REEP5: variants seen among roughly 807,000 people sequenced by gnomAD.
REEP5 encodes receptor accessory protein 5, also known as receptor expression-enhancing protein 5.
In REEP5, 24 loss-of-function variants were observed where a neutral mutation model predicts 22.4. That is an observed-to-expected ratio of 1.07 (90% confidence interval 0.78 to 1.51). The LOEUF is 1.51. Ranked by LOEUF, REEP5 falls within the 40% of genes most tolerant of loss-of-function variation. The pLI, the probability that REEP5 is intolerant of heterozygous loss-of-function variation, is 0.00. For missense variants in REEP5, 252 were observed against 233.0 expected (o/e 1.08, Z -0.53); for synonymous variants, 103 against 88.6 (o/e 1.16, Z -0.92).
intron 3 of REEP5, chr5:112,892,012 G>A (rs1325038411): frequency 2.3e-6 from 3 of 1,306,696 alleles, no homozygotes; most frequent in Non-Finnish European, 3.3e-6. Flanking sequence ...GAAAGAGAGA[G>A]AAGAGGAGGA....
intron 2 of REEP5, among the ~76,000 whole-genome samples, chr5:112,906,838 A>G (rs1436435018): frequency 6.6e-6 from 1 of 152,178 alleles, no homozygotes; most frequent in Non-Finnish European, 1.5e-5. Context: ...CACCTGCCCT[A>G]CGTGTTCTAA....
At chr5:112,897,063 T>C (rs952600403) in intron 3 of REEP5, 5 of 152,166 alleles carry the variant, frequency 3.3e-5, no homozygotes, top group African/African-American at 1.2e-4. Context: ...AGGTAAATTA[T>C]CAATAACATT....
At chr5:112,902,828 G>A (rs964256292) in intron 2 of REEP5, among the ~76,000 whole-genome samples, 3 of 152,206 alleles carry the variant, frequency 2.0e-5, no homozygotes, top group African/African-American at 4.8e-5. Context: ...CTGGGAGCTA[G>A]AGCAATTTCC....
intron 2 of REEP5, among the ~76,000 whole-genome samples, chr5:112,914,185 C>T (rs1045709839): frequency 6.6e-6 from 1 of 151,264 alleles, no homozygotes; most frequent in Non-Finnish European, 1.5e-5. Flanking sequence ...TGCAGTGGCG[C>T]AATCTCGGCT....
At chr5:112,902,299 T>C (rs1409917177) in intron 3 of REEP5, 81 bp downstream of exon 3, 1 of 1,359,474 alleles carries the variant, frequency 7.4e-7, no homozygotes, top group African/African-American at 1.5e-5. Flanking sequence ...GAGCCACAGA[T>C]GCACAACATT....
chr5:112,921,915 C>A (rs1171472310), intron 1 of REEP5, 158 bp downstream of exon 1: 3 of 950,420 alleles, frequency 3.2e-6, no homozygotes, highest in Non-Finnish European at 4.3e-6. Context: ...CCGATGCCCA[C>A]GCTTTCCGGG....
Position 112,877,123 on chromosome 5 carries a change from T to A in REEP5, c.*1663A>T, listed in dbSNP as rs371103139. ...ACAATTTTGTTTGCTTTCTACAAAG[T>A]TTTAAGTTTAATAAAATGCCGGTAA... On this transcript the variant is annotated 3_prime_UTR_variant, in exon 5 of 5. Coordinates refer to ENST00000379638, the MANE Select transcript of REEP5 (RefSeq NM_005669.5). 5.9e-5 allele frequency: 9 copies of A among 152,284 alleles called. No individual in the cohort carries two copies. The South Asian group carries it at 1.0e-3, about 18-fold the overall frequency. 9.4% of individuals were successfully genotyped at this position (152,284 alleles called of 1,614,324 possible). A position where few individuals can be genotyped will look rare whatever the true frequency, so the allele number is the denominator to read the frequency against.
chr5:112,902,228 T>G (rs926962530), intron 3 of REEP5, 152 bp downstream of exon 3: 84 of 817,292 alleles, frequency 1.0e-4, no homozygotes, highest in Middle Eastern at 3.2e-4. Flanking sequence ...GTTTTTGTTT[T>G]TTTTGAGACA....
intron 3 of REEP5, chr5:112,893,011 T>G: frequency 6.4e-7 from 1 of 1,560,154 alleles, no homozygotes; most frequent in Non-Finnish European, 8.8e-7. Flanking sequence ...TTCCTCTAGG[T>G]GCCGAAGTCG....
intron 2 of REEP5, among the ~76,000 whole-genome samples, chr5:112,905,764 G>A (rs1251143006): frequency 6.6e-6 from 1 of 152,006 alleles, no homozygotes; most frequent in Non-Finnish European, 1.5e-5. Flanking sequence ...GGGACTACAG[G>A]TTCACATCAT....
At chr5:112,880,635 G>A (rs1451994874) in intron 4 of REEP5, among the ~76,000 whole-genome samples, 1 of 152,256 alleles carries the variant, frequency 6.6e-6, no homozygotes, top group African/African-American at 2.4e-5. Flanking sequence ...GTGGCAGCAT[G>A]TAAATTCCTC....
chr5:112,900,507 G>C (rs1768815757), intron 3 of REEP5, among the ~76,000 whole-genome samples: 1 of 152,098 alleles, frequency 6.6e-6, no homozygotes, highest in Non-Finnish European at 1.5e-5. Flanking sequence ...CTAACTAAAG[G>C]CAGTTACTTC....
intron 2 of REEP5, among the ~76,000 whole-genome samples, chr5:112,917,795 G>C (rs1233692990): frequency 1.3e-5 from 2 of 152,196 alleles, no homozygotes; most frequent in African/African-American, 4.8e-5. Flanking sequence ...GAAATGCTCA[G>C]AATAGGCAAA....
chr5:112,876,748 A>G lies in REEP5; in HGVS notation c.*2038T>C, dbSNP rs975976514. On this transcript the variant is annotated 3_prime_UTR_variant, in exon 5 of 5. Coordinates refer to ENST00000379638, the MANE Select transcript of REEP5 (RefSeq NM_005669.5). ...GGGAAATCATGCAACAGAACTGCTC[A>G]ATTCTTAACTTCTCCTGCTGTTAAC... 21 of 152,326 alleles carry G rather than the reference A, an allele frequency of 1.4e-4. No individual in the cohort carries two copies. Among genetic ancestry groups the G allele is most frequent in the African/African-American group, 3.8e-4 (16 of 41,576 alleles). The allele number at this position is 152,326 out of a possible 1,614,324, so 9.4% of individuals were successfully genotyped here. A position where few individuals can be genotyped will look rare whatever the true frequency, so the allele number is the denominator to read the frequency against.
rs1416076728 is a variant in REEP5, at chr5:112,889,174, TA to T, written c.352-1992del. ...TGCCCAGTCTCGGCTATGTCTTTAT[TA>T]GCAGCATGAGAACAGACAAATGCAG... On this transcript the variant is annotated intron_variant, in intron 3 of 4. Transcript: ENST00000379638. Among the ~76,000 whole-genome samples the T allele has an allele frequency of 4.0e-5, 6 of 150,734 alleles. 1 individual carries two copies. Among genetic ancestry groups the T allele is most frequent in the African/African-American group, 1.5e-4 (6 of 40,486 alleles).
intron 4 of REEP5, among the ~76,000 whole-genome samples, chr5:112,881,287 A>C (rs1170696492): frequency 6.6e-6 from 1 of 152,164 alleles, no homozygotes; most frequent in Non-Finnish European, 1.5e-5. Flanking sequence ...AATGGGGAAC[A>C]TACCACTTCT....
At chr5:112,897,351 T>TCACACACACACACACACACA (rs34612314) in intron 3 of REEP5, 1 of 97,790 alleles carries the variant, frequency 1.0e-5, no homozygotes, top group Non-Finnish European at 2.1e-5. Flanking sequence ...ACACATCCCA[T>TCACACACACACACACACACA]CACACACACA....
intron 2 of REEP5, 57 bp downstream of exon 2, chr5:112,921,106 G>GCAA: frequency 6.5e-7 from 1 of 1,534,104 alleles, no homozygotes; most frequent in Non-Finnish European, 9.0e-7. Context: ...TACTGCAGCA[G>GCAA]CCCTGCGGGG....
intron 3 of REEP5, chr5:112,891,680 C>A: frequency 6.2e-7 from 1 of 1,613,702 alleles, no homozygotes. Flanking sequence ...AAGAAGATGA[C>A]ATTTCCAGAG....
Sources: gnomAD v4.1 joint callset for allele counts (sites outside exome capture counted in the v4.1 genomes callset) on GRCh38, gnomAD v4.1.1 for gene constraint, MANE v1.5 for transcripts, NCBI Gene and HGNC (gene_info 2026-07-23, HGNC 2026-07-21) for gene names.